ARNT: variants seen among roughly 807,000 people sequenced by gnomAD.
ARNT encodes aryl hydrocarbon receptor nuclear translocator.
A neutral mutation model predicts 105.0 loss-of-function variants in ARNT; 30 were observed. The observed-to-expected ratio is 0.29, with a 90% CI of 0.21 to 0.39. The LOEUF is 0.39. ARNT is among the 10% of genes least tolerant of loss of function. The pLI is 1.00. For synonymous variants in ARNT, 304 were observed against 344.0 expected (o/e 0.88, Z 1.29); for missense variants, 748 against 978.7 (o/e 0.76, Z 3.15).
At chr1:150,829,276 G>T in intron 11 of ARNT, 49 bp from the exon 12 acceptor site, 1 of 1,573,022 alleles carries the variant, frequency 6.4e-7, no homozygotes, top group Non-Finnish European at 8.7e-7. Context: ...ATTATTTACA[G>T]ATGTATTTCC....
intron 6 of ARNT, 28 bp downstream of exon 6, chr1:150,839,413 C>T (rs1660875648): frequency 1.2e-6 from 2 of 1,608,532 alleles, no homozygotes; most frequent in African/African-American, 1.3e-5. Flanking sequence ...AGATTCCAGA[C>T]TCTCTCAGAA....
At chr1:150,826,638 T>A (rs747959547) in intron 12 of ARNT, 21 bp from the exon 13 acceptor site, 1 of 1,566,228 alleles carries the variant, frequency 6.4e-7, no homozygotes, top group Admixed American at 1.7e-5. Context: ...GAAAGAAGAG[T>A]AAGATATATA....
At chr1:150,858,490 T>C (rs1197165641) in intron 1 of ARNT, 30 bp from the exon 2 acceptor site, 5 of 1,505,502 alleles carry the variant, frequency 3.3e-6, no homozygotes, top group Non-Finnish European at 4.6e-6. Context: ...GTAAACATTT[T>C]TAAAAAGACA....
At chr1:150,870,413 T>G (rs1432474873) in intron 1 of ARNT, among the ~76,000 whole-genome samples, 1 of 152,162 alleles carries the variant, frequency 6.6e-6, no homozygotes, top group Non-Finnish European at 1.5e-5. Context: ...TCCAACATAC[T>G]AGGCACCCAC....
intron 3 of ARNT, among the ~76,000 whole-genome samples, chr1:150,850,811 G>A (rs1162425580): frequency 6.6e-5 from 10 of 150,852 alleles, no homozygotes; most frequent in African/African-American, 2.2e-4. Flanking sequence ...GCCTCTTCCC[G>A]GCCGCCATCC....
chr1:150,817,898 T>A (rs774794911), intron 15 of ARNT, 22 bp downstream of exon 15: 24 of 1,572,958 alleles, frequency 1.5e-5, no homozygotes, highest in Non-Finnish European at 2.0e-5. Context: ...GCTCAACAGA[T>A]GATTATTTCA....
At position 150,876,556 on chromosome 1, in the gene ARNT, A is replaced by G. The variant is rs768989095; in HGVS notation, c.12T>C (p.Thr4=). Residue 4 remains threonine, a synonymous_variant, in exon 1 of 22, where the codon ACT becomes ACC. Coordinates refer to ENST00000358595, the MANE Select transcript of ARNT (RefSeq NM_001668.4). MAA[T]TANPEMTSDV... is the part of the protein sequence containing the mutation. ...CCGTCTCCTCACCGGGGTTGGCAGT[A>G]GTCGCCGCCATGGCCGCAGATGCCA... is the stretch of plus-strand genomic sequence containing the variant. The G allele has an allele frequency of 6.5e-7, 1 of 1,549,162 alleles. No individual in the cohort carries two copies. Among genetic ancestry groups the G allele is most frequent in the Admixed American group, 2.0e-5 (1 of 51,068 alleles).
intron 6 of ARNT, 26 bp downstream of exon 6, chr1:150,839,415 C>G: frequency 6.2e-7 from 1 of 1,612,618 alleles, no homozygotes; most frequent in African/African-American, 1.3e-5. Flanking sequence ...ATTCCAGACT[C>G]TCTCAGAACT....
chr1:150,843,212 T>C (rs587735485), intron 4 of ARNT, among the ~76,000 whole-genome samples: 1 of 152,306 alleles, frequency 6.6e-6, no homozygotes, highest in Non-Finnish European at 1.5e-5. Flanking sequence ...AAAGTAACAA[T>C]TCCCTCTCCA....
chr1:150,868,319 G>T (rs1163585193), intron 1 of ARNT, among the ~76,000 whole-genome samples: 1 of 152,016 alleles, frequency 6.6e-6, no homozygotes, highest in Non-Finnish European at 1.5e-5. Flanking sequence ...TCTCAAAGAA[G>T]AGTCCTAGCC....
At chr1:150,859,084 T>TA (rs139536635) in intron 1 of ARNT, among the ~76,000 whole-genome samples, 49,197 of 151,446 alleles carry the variant, frequency 0.32, 8,197 homozygotes, top group South Asian at 0.48. Context: ...TATACTAATT[T>TA]TAAAAAAATA....
chr1:150,810,710 G>C lies in ARNT; in HGVS notation c.*1311C>G, dbSNP rs973436786. 9.2e-6 allele frequency: 2 copies of C among 216,422 alleles called. No individual in the cohort carries two copies. The highest frequency in any genetic ancestry group is 2.3e-5 in the African/African-American group (1 of 44,182). 13.4% of individuals were successfully genotyped at this position (216,422 alleles called of 1,614,324 possible). A position where few individuals can be genotyped will look rare whatever the true frequency, so the allele number is the denominator to read the frequency against. ...AGGGTGAGGGTAGTAACCTGTATCC[G>C]CATTTATATGGCTATTGTTAATTAC... On this transcript the variant is annotated 3_prime_UTR_variant, in exon 22 of 22. Transcript: ENST00000358595.
chr1:150,819,088 G>T (rs1404309740), intron 14 of ARNT, among the ~76,000 whole-genome samples: 1 of 152,042 alleles, frequency 6.6e-6, no homozygotes, highest in African/African-American at 2.4e-5. Context: ...GACAAAACTT[G>T]TCACTAGGTA....
chr1:150,854,453 TG>T (rs1174401087), intron 2 of ARNT, among the ~76,000 whole-genome samples: 1 of 12,956 alleles, frequency 7.7e-5, no homozygotes, highest in African/African-American at 3.1e-4. Context: ...CTACTTGGGT[TG>T]GGGGGGCGGG....
intron 3 of ARNT, among the ~76,000 whole-genome samples, chr1:150,848,037 T>C (rs1396523549): frequency 2.0e-5 from 3 of 152,338 alleles, no homozygotes; most frequent in Middle Eastern, 6.8e-3. Context: ...ATTTACAATA[T>C]GGACATCCTT....
chr1:150,862,712 TAAAAAAAA>T (rs56147665), intron 1 of ARNT, among the ~76,000 whole-genome samples: 5 of 66,600 alleles, frequency 7.5e-5, no homozygotes, highest in Admixed American at 4.1e-4. Flanking sequence ...CCTGCCTCTG[TAAAAAAAA>T]AAAAAAAAAA....
At chr1:150,863,050 CAAA>C (rs143880940) in intron 1 of ARNT, among the ~76,000 whole-genome samples, 6 of 59,712 alleles carry the variant, frequency 1.0e-4, no homozygotes, top group Non-Finnish European at 1.0e-4. Context: ...GATTCCGTCT[CAAA>C]AAAAAAAAAA....
chr1:150,854,490 A>T (rs1664207129), intron 2 of ARNT, among the ~76,000 whole-genome samples: 1 of 151,938 alleles, frequency 6.6e-6, no homozygotes, highest in African/African-American at 2.4e-5. Context: ...TGAGCCTGGG[A>T]GGTCAAGGCT....
rs780412296 is a variant in ARNT at position 150,814,290 on chromosome 1, T to C, written c.1951-51A>G. The stretch of plus-strand genomic sequence containing the variant: ...AGAACAAATACAGCATTAACATCAT[T>C]GCACATACCATGCCTATGAGAGTCA... On this transcript the variant is annotated intron_variant, in intron 19 of 21. Transcript: ENST00000358595. The C allele has an allele frequency of 3.8e-6, 6 of 1,564,616 alleles. No individual in the cohort carries two copies. In the African/African-American group the frequency reaches 8.1e-5, roughly 21 times the overall value.
Sources: gnomAD v4.1 joint callset for allele counts (sites outside exome capture counted in the v4.1 genomes callset) on GRCh38, gnomAD v4.1.1 for gene constraint, MANE v1.5 for transcripts, NCBI Gene and HGNC (gene_info 2026-07-23, HGNC 2026-07-21) for gene names.